Variants in KCNIP3 observed in about 807,000 individuals in gnomAD.
KCNIP3 encodes the protein calsenilin.
KCNIP3 carries 28 observed loss-of-function variants against 35.0 expected under a neutral mutation model. That is an observed-to-expected ratio of 0.80 (90% CI 0.59 to 1.10). KCNIP3 has a LOEUF of 1.10. KCNIP3 is among the 50% of genes least tolerant of loss of function. The pLI, the probability that KCNIP3 is intolerant of heterozygous loss-of-function variation, is 0.00. For missense variants in KCNIP3, 295 were observed against 338.4 expected (o/e 0.87, Z 1.01); for synonymous variants, 134 against 133.8 (o/e 1.00, Z -0.01).
chr2:95,309,024 T>C (rs1678248224), intron 1 of KCNIP3, among the ~76,000 whole-genome samples: 1 of 152,164 alleles, frequency 6.6e-6, no homozygotes. Flanking sequence ...GGAACCCAAC[T>C]GCTCAGAACA....
At chr2:95,333,312 G>C (rs1678978216) in intron 2 of KCNIP3, among the ~76,000 whole-genome samples, 1 of 152,220 alleles carries the variant, frequency 6.6e-6, no homozygotes, top group African/African-American at 2.4e-5. Flanking sequence ...GCACAGAGTC[G>C]ACTTGGGAAG....
At chr2:95,328,539 G>C (rs541097585) in intron 2 of KCNIP3, among the ~76,000 whole-genome samples, 1 of 152,344 alleles carries the variant, frequency 6.6e-6, no homozygotes, top group South Asian at 2.1e-4. Flanking sequence ...GCTGGACGCC[G>C]CTGCGTGCCT....
chr2:95,323,513 G>A (rs570835253), intron 2 of KCNIP3, among the ~76,000 whole-genome samples: 1 of 151,806 alleles, frequency 6.6e-6, no homozygotes, highest in Non-Finnish European at 1.5e-5. Context: ...GCCCCTCCCT[G>A]CGGGTGCAGG....
At chr2:95,383,665 G>A (rs1369194347) in intron 8 of KCNIP3, among the ~76,000 whole-genome samples, 1 of 152,202 alleles carries the variant, frequency 6.6e-6, no homozygotes, top group African/African-American at 2.4e-5. Flanking sequence ...GAGCACCTCA[G>A]GGGGCAGGAT....
In KCNIP3 at chr2:95,385,760, A is replaced by C. The variant is rs1363112390; in HGVS notation, c.*1711A>C. Reference sequence around the variant, plus strand: ...TGGGGGCCTCTGCCTCCAGGAGGGCATCAGCTTTCCCTGGCTCAGGGATCT... The same window carrying C: ...TGGGGGCCTCTGCCTCCAGGAGGGCCTCAGCTTTCCCTGGCTCAGGGATCT... On this transcript the variant is annotated 3_prime_UTR_variant, in exon 9 of 9. Coordinates refer to ENST00000295225, the MANE Select transcript of KCNIP3 (RefSeq NM_013434.5). 1 of 152,796 alleles carries C rather than the reference A, an allele frequency of 6.5e-6. No individual in the cohort carries two copies. The allele number at this position is 152,796 out of a possible 1,614,324, so 9.5% of individuals were successfully genotyped here.
intron 2 of KCNIP3, among the ~76,000 whole-genome samples, chr2:95,331,700 C>G (rs1678931394): frequency 1.3e-5 from 2 of 152,242 alleles, no homozygotes; most frequent in Admixed American, 1.3e-4. Context: ...GCCCCACATC[C>G]TGTTCTGCCA....
At chr2:95,379,984 C>T (rs1295855022) in intron 5 of KCNIP3, among the ~76,000 whole-genome samples, 1 of 152,158 alleles carries the variant, frequency 6.6e-6, no homozygotes, top group Non-Finnish European at 1.5e-5. Flanking sequence ...AATCGTCTTT[C>T]CTGATTGCTC....
intron 1 of KCNIP3, among the ~76,000 whole-genome samples, chr2:95,309,915 G>A (rs1678267926): frequency 6.6e-6 from 1 of 152,256 alleles, no homozygotes; most frequent in South Asian, 2.1e-4. Flanking sequence ...CAGAGCAGGG[G>A]CCCTGCTGGG....
chr2:95,338,286 G>T (rs565595840), intron 2 of KCNIP3, among the ~76,000 whole-genome samples: 2 of 152,182 alleles, frequency 1.3e-5, no homozygotes, highest in African/African-American at 4.8e-5. Flanking sequence ...TGTTAGCTTC[G>T]TGAAATAGAA....
chr2:95,321,643 T>A (rs1379860849), intron 2 of KCNIP3, among the ~76,000 whole-genome samples: 1 of 152,164 alleles, frequency 6.6e-6, no homozygotes, highest in Non-Finnish European at 1.5e-5. Context: ...ACGACAGAGC[T>A]GATTTAAGAG....
intron 1 of KCNIP3, among the ~76,000 whole-genome samples, chr2:95,300,599 C>T (rs957727674): frequency 1.3e-5 from 2 of 152,000 alleles, no homozygotes; most frequent in African/African-American, 2.4e-5. Flanking sequence ...CAGCATGGGG[C>T]GAGTCCCGTG....
intron 2 of KCNIP3, among the ~76,000 whole-genome samples, chr2:95,326,309 TAC>T (rs201143580): frequency 1.2e-3 from 186 of 151,864 alleles, no homozygotes; most frequent in East Asian, 9.3e-3. Context: ...CACATACACA[TAC>T]ACACACACGT....
chr2:95,377,338 C>A lies in KCNIP3; in HGVS notation c.447+2130C>A, dbSNP rs924958619. Reference sequence around the variant, plus strand: ...GCGGCCGCTTCTCTGTTACCTCCCCCGACAGTAAACTGCTCCATGTGCCAG... The same window carrying A: ...GCGGCCGCTTCTCTGTTACCTCCCCAGACAGTAAACTGCTCCATGTGCCAG... On this transcript the variant is annotated intron_variant, in intron 5 of 8. Coordinates refer to ENST00000295225, the MANE Select transcript of KCNIP3 (RefSeq NM_013434.5). The surrounding 1 kb of genome is among the most constrained non-coding windows in gnomAD (Gnocchi z 4.7). Among the ~76,000 whole-genome samples the A allele has an allele frequency of 1.3e-5, 2 of 152,232 alleles. No homozygotes were observed. Among genetic ancestry groups the A allele is most frequent in the Non-Finnish European group, 2.9e-5 (2 of 68,038 alleles).
At chr2:95,308,167 T>C in intron 1 of KCNIP3, among the ~76,000 whole-genome samples, 1 of 152,148 alleles carries the variant, frequency 6.6e-6, no homozygotes, top group East Asian at 1.9e-4. Context: ...CATAGGGAGC[T>C]TCCCTCAGCA....
intron 1 of KCNIP3, among the ~76,000 whole-genome samples, chr2:95,302,058 A>G (rs1193523768): frequency 6.6e-5 from 10 of 151,928 alleles, no homozygotes; most frequent in Admixed American, 5.9e-4. Flanking sequence ...TCCCCATTCC[A>G]TACCCTGGGG....
chr2:95,359,356 C>T (rs889809025), intron 2 of KCNIP3, among the ~76,000 whole-genome samples: 22 of 151,978 alleles, frequency 1.4e-4, no homozygotes, highest in Admixed American at 3.9e-4. Flanking sequence ...AGGGAGAAAC[C>T]GGCAAGAAAA....
At chr2:95,364,087 A>C (rs1449389352) in intron 2 of KCNIP3, among the ~76,000 whole-genome samples, 2 of 152,230 alleles carry the variant, frequency 1.3e-5, no homozygotes, top group African/African-American at 4.8e-5. Context: ...CCAAATATTA[A>C]AGGGAATGTA....
At chr2:95,341,939 G>C (rs1679204393) in intron 2 of KCNIP3, among the ~76,000 whole-genome samples, 1 of 152,216 alleles carries the variant, frequency 6.6e-6, no homozygotes. Flanking sequence ...TGCAAGGAGG[G>C]AAAAGGACGG....
At chr2:95,341,116 T>C (rs1220455140) in intron 2 of KCNIP3, among the ~76,000 whole-genome samples, 3 of 152,042 alleles carry the variant, frequency 2.0e-5, no homozygotes, top group Admixed American at 2.0e-4. Context: ...GGAGGTGGGG[T>C]CCCGTGAGAG....
Sources: allele counts gnomAD v4.1 joint callset (sites outside exome capture counted in the v4.1 genomes callset), GRCh38; gene constraint gnomAD v4.1.1; non-coding constraint Gnocchi (gnomAD v3.1); transcripts MANE v1.5; gene names NCBI Gene and HGNC (gene_info 2026-07-23, HGNC 2026-07-21).